RPH3AL: variants seen among roughly 807,000 people sequenced by gnomAD.
RPH3AL encodes the protein rab effector Noc2.
Under a neutral mutation model 43.1 loss-of-function variants are expected in RPH3AL, and 38 were observed. The ratio of observed to expected loss-of-function variants is 0.88; its 90% CI spans 0.68 to 1.15. The LOEUF is 1.15. Ranked by LOEUF, RPH3AL falls within the 50% of genes most tolerant of loss-of-function variation. The pLI is 0.00. For missense variants in RPH3AL, 462 were observed against 423.2 expected, an observed-to-expected ratio of 1.09 and a Z score of -0.81; for synonymous variants, 189 against 176.3, an observed-to-expected ratio of 1.07 and a Z score of -0.57.
At chr17:343,622 T>C (rs1217439432) in intron 1 of RPH3AL, among the ~76,000 whole-genome samples, 2 of 152,198 alleles carry the variant, frequency 1.3e-5, no homozygotes, top group East Asian at 1.9e-4. Context: ...CCTGGGGCTA[T>C]TGGGAAGAAT....
At chr17:221,709 A>C (rs2040982680) in intron 7 of RPH3AL, among the ~76,000 whole-genome samples, 2 of 132,512 alleles carry the variant, frequency 1.5e-5, no homozygotes, top group Admixed American at 7.3e-5. Flanking sequence ...AATAGACCCA[A>C]GCACATCAGC....
At chr17:228,031 C>T (rs1316260743) in intron 7 of RPH3AL, among the ~76,000 whole-genome samples, 1 of 152,100 alleles carries the variant, frequency 6.6e-6, no homozygotes, top group African/African-American at 2.4e-5. Flanking sequence ...GCTCCACCTG[C>T]ACACAGGGTA....
rs560778638 is a variant in RPH3AL, at chr17:220,028, G to C, written c.614-292C>G. On this transcript the variant is annotated intron_variant, in intron 7 of 9. Coordinates refer to ENST00000331302, the MANE Select transcript of RPH3AL (RefSeq NM_006987.4). ...CCTCCACATGACAACCCCTGTTCTAGTTCCTCTAGTGGAACCAGAACCCAC... is the reference window on the plus strand; with the variant it reads ...CCTCCACATGACAACCCCTGTTCTACTTCCTCTAGTGGAACCAGAACCCAC... Among the ~76,000 whole-genome samples, 3 of 152,250 alleles carry C rather than the reference G, an allele frequency of 2.0e-5. No individual in the cohort carries two copies. The South Asian group carries it at 6.2e-4, about 32-fold the overall frequency.
intron 8 of RPH3AL, among the ~76,000 whole-genome samples, chr17:218,612 C>T (rs1011448756): frequency 6.6e-6 from 1 of 152,210 alleles, no homozygotes; most frequent in Non-Finnish European, 1.5e-5. Flanking sequence ...ATGAAGCTGG[C>T]CCTTTTCCCA....
intron 4 of RPH3AL, 23 bp downstream of exon 4, chr17:321,249 A>T: frequency 6.3e-7 from 1 of 1,597,714 alleles, no homozygotes; most frequent in Non-Finnish European, 8.5e-7. Flanking sequence ...CCTCCCACTG[A>T]GCTGGCCCCG....
intron 6 of RPH3AL, among the ~76,000 whole-genome samples, chr17:265,872 G>A (rs782779399): frequency 3.9e-5 from 6 of 152,122 alleles, no homozygotes; most frequent in Non-Finnish European, 8.8e-5. Flanking sequence ...TTCACGCCTC[G>A]CCTTTGGGCC....
intron 8 of RPH3AL, 40 bp downstream of exon 8, chr17:219,583 C>T (rs374246303): frequency 2.7e-5 from 27 of 994,554 alleles, no homozygotes; most frequent in African/African-American, 2.1e-4. Flanking sequence ...TGGAGTGCAC[C>T]GTGCCCGGCC....
chr17:306,882 C>G (rs192717970), intron 5 of RPH3AL, among the ~76,000 whole-genome samples: 20 of 152,168 alleles, frequency 1.3e-4, no homozygotes, highest in African/African-American at 4.8e-4. Context: ...TCTCATGCCC[C>G]AGCATAACCA....
At chr17:222,012 A>C (rs1398137850) in intron 7 of RPH3AL, among the ~76,000 whole-genome samples, 1 of 148,964 alleles carries the variant, frequency 6.7e-6, no homozygotes, top group African/African-American at 2.5e-5. Context: ...ACTCACTGAG[A>C]CAATAGACCC....
At chr17:277,679 G>A (rs998570782) in intron 6 of RPH3AL, among the ~76,000 whole-genome samples, 1 of 152,280 alleles carries the variant, frequency 6.6e-6, no homozygotes. Context: ...TCTTGGCCAG[G>A]TGTAGTGGCT....
chr17:326,456 C>A (rs1489864018), intron 3 of RPH3AL, among the ~76,000 whole-genome samples: 1 of 152,192 alleles, frequency 6.6e-6, no homozygotes, highest in African/African-American at 2.4e-5. Flanking sequence ...GACGCCCAGC[C>A]CCTCTGAGGG....
At chr17:267,008 G>A (rs1260838122) in intron 6 of RPH3AL, among the ~76,000 whole-genome samples, 1 of 152,188 alleles carries the variant, frequency 6.6e-6, no homozygotes, top group African/African-American at 2.4e-5. Flanking sequence ...GCCCAGCCTC[G>A]GGGTCTGTGC....
At chr17:220,287 G>A (rs35411664) in intron 7 of RPH3AL, among the ~76,000 whole-genome samples, 4 of 83,188 alleles carry the variant, frequency 4.8e-5, no homozygotes, top group African/African-American at 1.5e-4. Flanking sequence ...AGCTCTGAGG[G>A]CTCCACTCAC....
intron 6 of RPH3AL, among the ~76,000 whole-genome samples, chr17:278,243 G>T (rs147254976): frequency 3.9e-5 from 6 of 152,118 alleles, no homozygotes; most frequent in African/African-American, 1.4e-4. Context: ...CTTTCACTTG[G>T]TCTCATTCTT....
At chr17:230,701 G>A (rs1010085757) in intron 7 of RPH3AL, among the ~76,000 whole-genome samples, 7 of 152,130 alleles carry the variant, frequency 4.6e-5, no homozygotes, top group South Asian at 2.1e-4. Flanking sequence ...AATGAAACAC[G>A]GCAAGCCTAT....
rs2040767857 is a variant in RPH3AL, at chr17:215,222, TCCTGGGCCAACCAGG to T, written c.876+417_876+431del. ...AACCCTCACCCCCGCCACAGGATGA[TCCTGGGCCAACCAGG>T]GCTGGGCCCAGCAGGTGCAGGGCAG... On this transcript the variant is annotated intron_variant, in intron 9 of 9. Coordinates refer to ENST00000331302, the MANE Select transcript of RPH3AL (RefSeq NM_006987.4). This position sits in a 1 kb window ranked among gnomAD's most constrained non-coding sequence, Gnocchi z 4.1. 6.6e-6 allele frequency among the ~76,000 whole-genome samples: 1 copy of T among 152,090 alleles called. No individual in the cohort carries two copies.
intron 5 of RPH3AL, among the ~76,000 whole-genome samples, chr17:309,294 TA>T (rs2151650966): frequency 6.6e-6 from 1 of 152,188 alleles, no homozygotes; most frequent in African/African-American, 2.4e-5. Flanking sequence ...CCTTGTCTCT[TA>T]AAAAAGGAGC....
chr17:260,904 C>T (rs1178825912), intron 6 of RPH3AL, among the ~76,000 whole-genome samples: 2 of 152,200 alleles, frequency 1.3e-5, no homozygotes, highest in African/African-American at 4.8e-5. Flanking sequence ...TTCTCCCTTC[C>T]CTGGACTAGC....
At position 245,272 on chromosome 17, in the gene RPH3AL, A is replaced by AGT. The variant is rs989539035; in HGVS notation, c.613+1837_613+1838dup. Reference sequence around the variant, plus strand: ...GCATGTGTGTGTGCACGTGGATGTCAGTGTGTGTGTACGTGGGTGTGTGTG... The same window carrying AGT: ...GCATGTGTGTGTGCACGTGGATGTCAGTGTGTGTGTGTACGTGGGTGTGTGTG... On this transcript the variant is annotated intron_variant, in intron 7 of 9. Coordinates refer to ENST00000331302, the MANE Select transcript of RPH3AL (RefSeq NM_006987.4). This position sits in a 1 kb window ranked among gnomAD's most constrained non-coding sequence, Gnocchi z 5.9. 8.9e-5 allele frequency among the ~76,000 whole-genome samples: 10 copies of AGT among 112,016 alleles called. No individual in the cohort carries two copies. The highest frequency in any genetic ancestry group is 3.1e-4 in the African/African-American group (9 of 28,812). The allele number at this position is 112,016 out of a possible 152,430, so 73.5% of individuals were successfully genotyped here.
Sources: gnomAD v4.1 joint callset for allele counts (sites outside exome capture counted in the v4.1 genomes callset) on GRCh38, gnomAD v4.1.1 for gene constraint, Gnocchi (gnomAD v3.1) non-coding constraint, MANE v1.5 for transcripts, NCBI Gene and HGNC (gene_info 2026-07-23, HGNC 2026-07-21) for gene names.